Variants in QTGAL observed in about 807,000 individuals in gnomAD.
QTGAL encodes the protein BGnT-like protein 1.
At chr17:82,962,477 GC>G in the QTGAL span, among the ~76,000 whole-genome samples, 1 of 150,840 alleles carries the variant, frequency 6.6e-6, no homozygotes, top group East Asian at 1.9e-4. Context: ...TCCCGCGGGT[GC>G]TGGTGGACAC....
At chr17:83,017,034 A>G in the QTGAL span, among the ~76,000 whole-genome samples, 3 of 152,204 alleles carry the variant, frequency 2.0e-5, no homozygotes, top group Non-Finnish European at 4.4e-5. Context: ...CAGTTCTTCT[A>G]TGGAGTTGGC....
chr17:82,966,265 G>A, the QTGAL span, among the ~76,000 whole-genome samples: 1 of 151,708 alleles, frequency 6.6e-6, no homozygotes, highest in South Asian at 2.1e-4. Flanking sequence ...ACACTGCTCA[G>A]GCTGGTCTTA....
the QTGAL span, chr17:82,943,877 G>GGTGA: frequency 6.6e-6 from 1 of 152,298 alleles, no homozygotes; most frequent in Non-Finnish European, 1.5e-5. Flanking sequence ...GGGGTCACGT[G>GGTGA]GTGAGGGTCC....
the QTGAL span, chr17:83,005,348 G>A: frequency 2.7e-6 from 2 of 746,582 alleles, no homozygotes; most frequent in African/African-American, 3.5e-5. The surrounding 1 kb of genome is among the most constrained non-coding windows in gnomAD (Gnocchi z 5.6). Flanking sequence ...ATCTGGGTCA[G>A]GCAAACACCG....
chr17:82,990,542 G>C, the QTGAL span, among the ~76,000 whole-genome samples: 2 of 152,250 alleles, frequency 1.3e-5, no homozygotes, highest in Non-Finnish European at 2.9e-5. Flanking sequence ...AACTTTATTG[G>C]TAACAACTTG....
the QTGAL span, among the ~76,000 whole-genome samples, chr17:82,968,334 A>G: frequency 6.6e-6 from 1 of 152,370 alleles, no homozygotes; most frequent in African/African-American, 2.4e-5. Flanking sequence ...AGCCCTCACC[A>G]GCAACCAAGG....
chr17:82,961,108 C>G, the QTGAL span: 3 of 1,610,338 alleles, frequency 1.9e-6, no homozygotes, highest in Admixed American at 3.3e-5. Flanking sequence ...CAGCAGGAGA[C>G]TCTGGTCCAC....
chr17:82,956,758 C>T, the QTGAL span: 1 of 1,582,816 alleles, frequency 6.3e-7, no homozygotes, highest in Non-Finnish European at 8.6e-7. The surrounding 1 kb of genome is among the most constrained non-coding windows in gnomAD (Gnocchi z 5.7). Context: ...GGATTCGGGG[C>T]TTGGGTCTTT....
the QTGAL span, among the ~76,000 whole-genome samples, chr17:82,955,729 C>T: frequency 2.0e-5 from 3 of 152,084 alleles, no homozygotes; most frequent in African/African-American, 7.2e-5. Context: ...TTCACAATAG[C>T]AAAGACATGG....
At chr17:82,976,936 T>C in the QTGAL span, among the ~76,000 whole-genome samples, 6 of 88,696 alleles carry the variant, frequency 6.8e-5, 1 homozygote, top group Non-Finnish European at 1.5e-4. Flanking sequence ...AGGCCACTTA[T>C]GGGGAACGAG....
At chr17:83,019,783 G>T in the QTGAL span, among the ~76,000 whole-genome samples, 1 of 151,994 alleles carries the variant, frequency 6.6e-6, no homozygotes, top group Non-Finnish European at 1.5e-5. Flanking sequence ...GCCCAGGCTG[G>T]AGTGCAGTGG....
At chr17:83,013,977 C>G in the QTGAL span, among the ~76,000 whole-genome samples, 1 of 151,982 alleles carries the variant, frequency 6.6e-6, no homozygotes, top group Non-Finnish European at 1.5e-5. Flanking sequence ...GAGGAGCCCA[C>G]GGGGCACTGC....
At chr17:83,042,738 TA>T in the QTGAL span, among the ~76,000 whole-genome samples, 3 of 152,190 alleles carry the variant, frequency 2.0e-5, no homozygotes, top group African/African-American at 7.2e-5. Context: ...ATTCTCCAAT[TA>T]AAAGGCAAAA....
the QTGAL span, among the ~76,000 whole-genome samples, chr17:82,953,849 G>T: frequency 3.9e-5 from 6 of 152,270 alleles, no homozygotes; most frequent in African/African-American, 1.4e-4. Context: ...TTCAATATAC[G>T]CAAATCAATA....
At chr17:83,043,472 A>C in the QTGAL span, among the ~76,000 whole-genome samples, 1 of 152,218 alleles carries the variant, frequency 6.6e-6, no homozygotes, top group Non-Finnish European at 1.5e-5. Context: ...ACTCAGAGAC[A>C]AACGAAAACA....
chr17:83,010,583 G>C, the QTGAL span, among the ~76,000 whole-genome samples: 1 of 152,234 alleles, frequency 6.6e-6, no homozygotes, highest in Non-Finnish European at 1.5e-5. Context: ...TGTGCAGAGG[G>C]GCTGACGCCC....
the QTGAL span, chr17:82,943,763 T>TTA: frequency 6.6e-6 from 1 of 152,232 alleles, no homozygotes; most frequent in Non-Finnish European, 1.5e-5. Context: ...CCAATGGTCT[T>TTA]TATACCCTAA....
chr17:83,009,406 G>A, the QTGAL span, among the ~76,000 whole-genome samples: 3 of 151,858 alleles, frequency 2.0e-5, no homozygotes, highest in Admixed American at 6.6e-5. Flanking sequence ...CCTGGGCAAC[G>A]GAGCAAGACT....
At chr17:83,034,259 T>C in the QTGAL span, among the ~76,000 whole-genome samples, 1 of 152,244 alleles carries the variant, frequency 6.6e-6, no homozygotes, top group Non-Finnish European at 1.5e-5. Context: ...TGTTTTCTTA[T>C]CAACCTTTAG....
Sources: gnomAD v4.1 joint callset for allele counts (sites outside exome capture counted in the v4.1 genomes callset) on GRCh38, gnomAD v4.1.1 for gene constraint, Gnocchi (gnomAD v3.1) non-coding constraint, MANE v1.5 for transcripts, NCBI Gene and HGNC (gene_info 2026-07-23, HGNC 2026-07-21) for gene names.